The following ALDH18A1 variants were observed in gnomAD, a reference collection of about 807,000 sequenced individuals.
The protein encoded by ALDH18A1 is delta-1-pyrroline-5-carboxylate synthase.
A neutral mutation model predicts 88.8 loss-of-function variants in ALDH18A1; 44 were observed. The ratio of observed to expected loss-of-function variants is 0.50; its 90% CI spans 0.39 to 0.64. The LOEUF (loss-of-function observed/expected upper bound fraction) is 0.64, where lower values mean the gene tolerates loss of function less well. ALDH18A1 is among the 30% of genes least tolerant of loss of function. The pLI, the probability that ALDH18A1 is intolerant of heterozygous loss-of-function variation, is 0.00. For synonymous variants in ALDH18A1, 331 were observed against 372.1 expected (o/e 0.89, Z 1.27); for missense variants, 782 against 1,009.5 (o/e 0.77, Z 3.05).
At chr10:95,655,900 T>G (rs2097917316) in intron 1 of ALDH18A1, among the ~76,000 whole-genome samples, 1 of 152,168 alleles carries the variant, frequency 6.6e-6, no homozygotes, top group African/African-American at 2.4e-5. Context: ...CCAGCACAGT[T>G]CACCCACAAA....
At chr10:95,633,849 T>C (rs1169465188) in intron 5 of ALDH18A1, among the ~76,000 whole-genome samples, 200 bp from the exon 6 acceptor site, 3 of 144,090 alleles carry the variant, frequency 2.1e-5, no homozygotes, top group African/African-American at 8.0e-5. Flanking sequence ...CAGGGTCTCA[T>C]TCTGTCGCTC....
chr10:95,616,444 T>A, intron 13 of ALDH18A1, 33 bp downstream of exon 13: 1 of 1,554,040 alleles, frequency 6.4e-7, no homozygotes, highest in Non-Finnish European at 8.7e-7. Context: ...CTGGCCCCTC[T>A]GGGCCTGACT....
intron 11 of ALDH18A1, among the ~76,000 whole-genome samples, chr10:95,624,312 C>G (rs1221558196): frequency 6.6e-6 from 1 of 152,128 alleles, no homozygotes; most frequent in Non-Finnish European, 1.5e-5. Context: ...GCTGTGGAAC[C>G]TTGGGCAACA....
At chr10:95,640,274 G>GT (rs1273844960) in intron 3 of ALDH18A1, among the ~76,000 whole-genome samples, 40 of 148,514 alleles carry the variant, frequency 2.7e-4, no homozygotes, top group Middle Eastern at 3.4e-3. Flanking sequence ...GGCCAATGAA[G>GT]TTTTTTTTTT....
chr10:95,617,116 A>G (rs1021596679), intron 12 of ALDH18A1, among the ~76,000 whole-genome samples: 2 of 152,204 alleles, frequency 1.3e-5, no homozygotes, highest in Non-Finnish European at 2.9e-5. Flanking sequence ...GCATGGTGGC[A>G]GGTGCCTGTA....
At chr10:95,639,569 A>G (rs897402739) in intron 3 of ALDH18A1, among the ~76,000 whole-genome samples, 4 of 151,208 alleles carry the variant, frequency 2.6e-5, no homozygotes, top group Non-Finnish European at 5.9e-5. Context: ...ATAATCATAT[A>G]TATTATATAT....
At chr10:95,644,234 C>T (rs2097897150) in intron 2 of ALDH18A1, among the ~76,000 whole-genome samples, 3 of 152,212 alleles carry the variant, frequency 2.0e-5, no homozygotes, top group South Asian at 4.1e-4. Flanking sequence ...AACTATTCTA[C>T]CTACAATTTC....
At chr10:95,626,105 T>C (rs2097860020) in intron 10 of ALDH18A1, among the ~76,000 whole-genome samples, 2 of 152,206 alleles carry the variant, frequency 1.3e-5, no homozygotes, top group African/African-American at 4.8e-5. Context: ...GCTCCTCCTT[T>C]GCTTTCCTTT....
At position 95,606,580 on chromosome 10, in the gene ALDH18A1, G is replaced by A. The variant is rs2097823099; in HGVS notation, c.*182C>T. 6.5e-7 allele frequency: 1 copy of A among 1,527,096 alleles called. No homozygotes were observed. The highest frequency in any genetic ancestry group is 8.7e-7 in the Non-Finnish European group (1 of 1,146,342). The allele number at this position is 1,527,096 out of a possible 1,614,324, so 94.6% of individuals were successfully genotyped here. A position where few individuals can be genotyped will look rare whatever the true frequency, so the allele number is the denominator to read the frequency against. On this transcript the variant is annotated 3_prime_UTR_variant, in exon 18 of 18. Coordinates refer to ENST00000371224, the MANE Select transcript of ALDH18A1 (RefSeq NM_002860.4). ...ACTTTAAAAAAAAAGGGTGAGCTGG[G>A]AGCCAGACTGTGCACATCAGCCAAG...
chr10:95,637,106 A>T lies in ALDH18A1; in HGVS notation c.545T>A (p.Ile182Asn). The T allele has an allele frequency of 6.2e-7, 1 of 1,614,068 alleles. No homozygotes were observed. The highest frequency in any genetic ancestry group is 1.1e-5 in the South Asian group (1 of 91,074). ...CCAGCCTCTCACCTGGGCAGCACAG[A>T]TGCTGTACTGGGTAAACATAGCCTC... ...LYEAMFTQYS[I>N]CAAQILVTNL... Residue 182 changes from isoleucine (I) to asparagine (N), a missense_variant, in exon 5 of 18, where the codon ATC becomes AAC. Ile to Asn is a moderately radical substitution (Grantham distance 149, BLOSUM62 -3). Transcript: ENST00000371224.
chr10:95,616,470 G>A lies in ALDH18A1; in HGVS notation c.1605+7C>T. On this transcript the variant is annotated splice_region_variant and intron_variant, in intron 13 of 17. Coordinates refer to ENST00000371224, the MANE Select transcript of ALDH18A1 (RefSeq NM_002860.4). ...GGGCCTGACTTGGTGCATTCCCAGG[G>A]ACCTACCAGTTGCACGGCCTCCTTG... 3 of 1,560,474 alleles carry A rather than the reference G, an allele frequency of 1.9e-6. No individual in the cohort carries two copies. Among genetic ancestry groups the A allele is most frequent in the Non-Finnish European group, 2.6e-6 (3 of 1,151,292 alleles).
intron 1 of ALDH18A1, among the ~76,000 whole-genome samples, chr10:95,656,207 C>A (rs1447534141): frequency 6.6e-6 from 1 of 152,218 alleles, no homozygotes; most frequent in Admixed American, 6.5e-5. Flanking sequence ...GCCACCCACG[C>A]CACCCACCAG....
In ALDH18A1 at chr10:95,643,003, T is replaced by C. The variant is rs2097894726; in HGVS notation, c.292A>G (p.Ile98Val). 6 of 1,613,460 alleles carry C rather than the reference T, an allele frequency of 3.7e-6. No homozygotes were observed. Among genetic ancestry groups the C allele is most frequent in the South Asian group, 1.1e-5 (1 of 91,048 alleles). ...ATCTTGGCAATCACCTGCTCAACAA[T>C]AGATGCCAAGCGCCCCAGGGCCAGG... is the stretch of plus-strand genomic sequence containing the variant. ...CGLALGRLAS[I>V]VEQVSVLQNQ... Residue 98 changes from isoleucine to valine, a missense_variant, in exon 3 of 18, where the codon ATT becomes GTT. Ile to Val is a conservative substitution (Grantham distance 29). Coordinates refer to ENST00000371224, the MANE Select transcript of ALDH18A1 (RefSeq NM_002860.4).
At chr10:95,610,981 T>TGG in intron 16 of ALDH18A1, among the ~76,000 whole-genome samples, 1 of 152,190 alleles carries the variant, frequency 6.6e-6, no homozygotes, top group African/African-American at 2.4e-5. Context: ...TTAACTACCT[T>TGG]GTAAGATTTG....
chr10:95,633,301 G>T (rs1425835573), intron 6 of ALDH18A1, among the ~76,000 whole-genome samples, 190 bp downstream of exon 6: 1 of 152,156 alleles, frequency 6.6e-6, no homozygotes, highest in Non-Finnish European at 1.5e-5. Flanking sequence ...ACCATCTTCA[G>T]TGACTATAGC....
At chr10:95,607,888 TA>T (rs1481958591) in intron 17 of ALDH18A1, among the ~76,000 whole-genome samples, 2 of 151,968 alleles carry the variant, frequency 1.3e-5, no homozygotes, top group Non-Finnish European at 2.9e-5. Flanking sequence ...CGAGACACAG[TA>T]GGGGCGGGAT....
intron 7 of ALDH18A1, among the ~76,000 whole-genome samples, chr10:95,630,342 G>A (rs2097866743): frequency 6.6e-6 from 1 of 152,102 alleles, no homozygotes; most frequent in African/African-American, 2.4e-5. Context: ...TACTTTGTAG[G>A]GTTGCTATAA....
chr10:95,617,020 G>C (rs2097845321), intron 12 of ALDH18A1, among the ~76,000 whole-genome samples: 1 of 152,224 alleles, frequency 6.6e-6, no homozygotes, highest in Non-Finnish European at 1.5e-5. Context: ...GCTGAGGTGG[G>C]TGGATCACCT....
At chr10:95,650,185 T>C (rs968334233) in intron 2 of ALDH18A1, among the ~76,000 whole-genome samples, 6 of 152,192 alleles carry the variant, frequency 3.9e-5, no homozygotes, top group Non-Finnish European at 8.8e-5. Flanking sequence ...GTTCTTAGAC[T>C]TGACCCCAAA....
Sources: gnomAD v4.1 joint callset for allele counts (sites outside exome capture counted in the v4.1 genomes callset) on GRCh38, gnomAD v4.1.1 for gene constraint, MANE v1.5 for transcripts, NCBI Gene and HGNC (gene_info 2026-07-23, HGNC 2026-07-21) for gene names.